Variants in ASIC2 observed in about 807,000 individuals in gnomAD.
ASIC2 encodes the protein acid sensing ion channel subunit 2, also known as acid-sensing ion channel 2.
In ASIC2, 25 loss-of-function variants were observed where a neutral mutation model predicts 57.3. The observed-to-expected ratio is 0.44, with a 90% CI of 0.32 to 0.61. The LOEUF (loss-of-function observed/expected upper bound fraction) is 0.61. ASIC2 is among the 20% of genes least tolerant of loss of function. The pLI, the probability that ASIC2 is intolerant of heterozygous loss-of-function variation, is 0.06. For missense variants in ASIC2, 641 were observed against 738.1 expected (o/e 0.87, Z 1.52); for synonymous variants, 319 against 307.5 (o/e 1.04, Z -0.39).
intron 1 of ASIC2, among the ~76,000 whole-genome samples, chr17:33,367,277 T>G (rs1441835303): frequency 6.6e-6 from 1 of 152,020 alleles, no homozygotes; most frequent in African/African-American, 2.4e-5. Context: ...GCACAGAGAG[T>G]GAAGTTGTGT....
chr17:33,839,723 A>G lies in ASIC2; in HGVS notation c.555+316255T>C, dbSNP rs572641410. Among the ~76,000 whole-genome samples the G allele has an allele frequency of 3.3e-5, 5 of 152,280 alleles. No individual in the cohort carries two copies. The South Asian group carries it at 1.0e-3, about 32-fold the overall frequency. On this transcript the variant is annotated intron_variant, in intron 1 of 9. Transcript: ENST00000359872. Reference sequence around the variant, plus strand: ...CATTAGGGGGAGATTTAAAGGAGGGATAAGGGTCTGTCTTATTCCTGTTTT... The same window carrying G: ...CATTAGGGGGAGATTTAAAGGAGGGGTAAGGGTCTGTCTTATTCCTGTTTT...
At position 33,291,597 on chromosome 17, in the gene ASIC2, C is replaced by T. The variant is rs773615120; in HGVS notation, c.519G>A (p.Glu173=). The change falls in exon 1 of 10, where the codon GAG becomes GAA. Residue 173 remains glutamate (E), a synonymous_variant. Coordinates refer to ENST00000225823, the MANE Select transcript of ASIC2 (RefSeq NM_183377.2). The stretch of plus-strand genomic sequence containing the variant: ...GGCGCGGCTCGTCGCCCCGCAGCAG[C>T]TCGCTGACAAGCGGGCGCGCGGTGC... The part of the protein sequence containing the change: ...PNRTARPLVS[E]LLRGDEPRRQ... 2.5e-6 allele frequency: 4 copies of T among 1,608,198 alleles called. No individual in the cohort carries two copies. The East Asian group carries it at 8.9e-5, about 36-fold the overall frequency.
intron 1 of ASIC2, among the ~76,000 whole-genome samples, chr17:33,552,212 G>A (rs1915773272): frequency 6.6e-6 from 1 of 152,226 alleles, no homozygotes; most frequent in African/African-American, 2.4e-5. Flanking sequence ...GAGAAAATGA[G>A]AGATGGTTTT....
intron 1 of ASIC2, among the ~76,000 whole-genome samples, chr17:33,943,301 T>C (rs185352684): frequency 7.2e-5 from 11 of 152,338 alleles, no homozygotes; most frequent in African/African-American, 2.6e-4. Context: ...GAGAACCCAC[T>C]TCCCCATCTG....
chr17:34,095,741 T>A (rs1018270946), intron 1 of ASIC2, among the ~76,000 whole-genome samples: 62 of 142,698 alleles, frequency 4.3e-4, no homozygotes, highest in Non-Finnish European at 6.7e-4. Context: ...ATATATAATT[T>A]TATATATATA....
intron 1 of ASIC2, among the ~76,000 whole-genome samples, chr17:33,634,469 A>G (rs1316853107): frequency 6.6e-6 from 1 of 150,960 alleles, no homozygotes; most frequent in African/African-American, 2.4e-5. Flanking sequence ...ATGCTAGCCT[A>G]TGAGGCTTGA....
At chr17:34,106,683 C>A (rs1410422802) in intron 1 of ASIC2, among the ~76,000 whole-genome samples, 2 of 152,112 alleles carry the variant, frequency 1.3e-5, no homozygotes, top group African/African-American at 4.8e-5. Flanking sequence ...TTTTGGCGTT[C>A]AAATTTTTAG....
At chr17:33,420,084 C>A (rs924838183) in intron 1 of ASIC2, among the ~76,000 whole-genome samples, 4 of 152,108 alleles carry the variant, frequency 2.6e-5, no homozygotes, top group Admixed American at 2.0e-4. Context: ...TATGTAAATG[C>A]ATTATCATAA....
intron 1 of ASIC2, among the ~76,000 whole-genome samples, chr17:33,535,819 T>C (rs1223517774): frequency 6.6e-6 from 1 of 152,212 alleles, no homozygotes; most frequent in East Asian, 1.9e-4. Flanking sequence ...CATGGATCCC[T>C]GAATGACCAC....
intron 1 of ASIC2, among the ~76,000 whole-genome samples, chr17:34,112,821 T>A (rs1247255539): frequency 6.6e-6 from 1 of 152,152 alleles, no homozygotes; most frequent in East Asian, 1.9e-4. Flanking sequence ...CTAGCTTCAA[T>A]ATTGCTAAGA....
chr17:33,389,773 C>G (rs1909823880), intron 1 of ASIC2, among the ~76,000 whole-genome samples: 1 of 152,182 alleles, frequency 6.6e-6, no homozygotes, highest in African/African-American at 2.4e-5. Context: ...CCTGAAAATC[C>G]TGAGATACTT....
chr17:33,883,884 GA>G (rs1398854898), intron 1 of ASIC2, among the ~76,000 whole-genome samples: 1 of 140,182 alleles, frequency 7.1e-6, no homozygotes. Context: ...GCAACAATTA[GA>G]TTTTTTTTTG....
chr17:33,314,388 A>T (rs1259094895), intron 1 of ASIC2, among the ~76,000 whole-genome samples: 1 of 152,226 alleles, frequency 6.6e-6, no homozygotes, highest in Non-Finnish European at 1.5e-5. Context: ...TTGTTGGCTG[A>T]GCATGCATAT....
chr17:33,364,847 C>T (rs910985564), intron 1 of ASIC2, among the ~76,000 whole-genome samples: 1 of 152,200 alleles, frequency 6.6e-6, no homozygotes, highest in Non-Finnish European at 1.5e-5. Context: ...GCCATGAATT[C>T]CCCTTCGTTA....
chr17:33,114,646 A>G (rs1280448052), intron 1 of ASIC2, among the ~76,000 whole-genome samples: 1 of 152,204 alleles, frequency 6.6e-6, no homozygotes, highest in Non-Finnish European at 1.5e-5. Flanking sequence ...GGCCCTGCCA[A>G]AGCATGCCCA....
chr17:33,279,148 G>T (rs985772141), intron 1 of ASIC2, among the ~76,000 whole-genome samples: 19 of 152,204 alleles, frequency 1.2e-4, no homozygotes, highest in African/African-American at 4.3e-4. Flanking sequence ...ATACACACGT[G>T]GCTAAAAATA....
intron 7 of ASIC2, among the ~76,000 whole-genome samples, chr17:33,019,911 TG>T (rs1332754327): frequency 1.6e-4 from 24 of 151,624 alleles, no homozygotes; most frequent in Non-Finnish European, 2.2e-4. Flanking sequence ...GAGCCTATGC[TG>T]GGGGAGGGCA....
At chr17:33,072,537 C>A (rs148182809) in intron 3 of ASIC2, among the ~76,000 whole-genome samples, 1 of 152,358 alleles carries the variant, frequency 6.6e-6, no homozygotes, top group East Asian at 1.9e-4. Context: ...GTCATTGCTT[C>A]TCCATTCAGA....
intron 1 of ASIC2, among the ~76,000 whole-genome samples, chr17:33,671,073 T>C (rs1907624224): frequency 6.6e-6 from 1 of 152,180 alleles, no homozygotes; most frequent in African/African-American, 2.4e-5. Context: ...TGGCTTTACC[T>C]CTTATCTATA....
Sources: gnomAD v4.1 joint callset for allele counts (sites outside exome capture counted in the v4.1 genomes callset) on GRCh38, gnomAD v4.1.1 for gene constraint, MANE v1.5 for transcripts, NCBI Gene and HGNC (gene_info 2026-07-23, HGNC 2026-07-21) for gene names.